The following PCSK5 variants were observed in gnomAD, a reference collection of about 807,000 sequenced individuals.
PCSK5 encodes prohormone convertase 5.
A neutral mutation model predicts 233.2 loss-of-function variants in PCSK5; 129 were observed. That is an observed-to-expected ratio of 0.55 (90% confidence interval 0.48 to 0.64). The LOEUF (loss-of-function observed/expected upper bound fraction) is 0.64. PCSK5 is among the 30% of genes least tolerant of loss of function. The probability of loss-of-function intolerance (pLI) is 0.00; values close to 1 mark genes in which losing one functional copy is unlikely to be tolerated. For missense variants in PCSK5, 2,076 were observed against 2,430.1 expected (o/e 0.85, Z 3.06); for synonymous variants, 825 against 879.2 (o/e 0.94, Z 1.09).
chr9:76,234,098 C>A (rs914961948), intron 22 of PCSK5, among the ~76,000 whole-genome samples: 2 of 152,166 alleles, frequency 1.3e-5, no homozygotes, highest in Admixed American at 6.5e-5. Context: ...GATTCTATTT[C>A]ATGCTCTCAA....
chr9:76,175,101 A>T lies in PCSK5; in HGVS notation c.1872A>T (p.Thr624=), dbSNP rs772639349. 6 of 1,614,206 alleles carry T rather than the reference A, an allele frequency of 3.7e-6. No individual in the cohort carries two copies. The highest frequency in any genetic ancestry group is 5.1e-6 in the Non-Finnish European group (6 of 1,180,016). Residue 624 remains threonine, a synonymous_variant, in exon 14 of 38, where the codon ACA becomes ACT. Transcript: ENST00000674117. ...RFRYSRVEDP[T]DDYGTEDYAG... is the part of the protein sequence containing the mutation. ...GCTATAGCCGAGTTGAAGACCCCAC[A>T]GACGACTATGGCACAGAGGATTATG...
rs550413904 is a variant in PCSK5, at chr9:76,040,395, C to G, written c.632+13358C>G. ...TCTCTCTCTCTCTCTGTCTCTCTCT[C>G]TCTCTCTCTCTCTCTCTCAACAGGT... On this transcript the variant is annotated intron_variant, in intron 5 of 37. Transcript: ENST00000674117. Among the ~76,000 whole-genome samples, 434 of 111,966 alleles carry G rather than the reference C, an allele frequency of 3.9e-3. 7 individuals carry two copies. The highest frequency in any genetic ancestry group is 0.013 in the East Asian group (40 of 3,176). The allele number at this position is 111,966 out of a possible 152,430, so 73.5% of individuals were successfully genotyped here. A position where few individuals can be genotyped will look rare whatever the true frequency, so the allele number is the denominator to read the frequency against.
At chr9:75,979,264 C>CT (rs1467906768) in intron 2 of PCSK5, among the ~76,000 whole-genome samples, 1 of 151,736 alleles carries the variant, frequency 6.6e-6, no homozygotes, top group Non-Finnish European at 1.5e-5. Context: ...TCAAAGCCGT[C>CT]TAAAAAAAAA....
At chr9:76,298,355 A>T (rs1828505617) in intron 27 of PCSK5, among the ~76,000 whole-genome samples, 1 of 151,928 alleles carries the variant, frequency 6.6e-6, no homozygotes, top group African/African-American at 2.4e-5. Flanking sequence ...GCATTTGGGG[A>T]TTTTTCACTA....
At position 76,323,077 on chromosome 9, in the gene PCSK5, C is replaced by G; in HGVS notation, c.4128C>G (p.His1376Gln). 1.2e-5 allele frequency: 20 copies of G among 1,605,970 alleles called. No homozygotes were observed. Among genetic ancestry groups the G allele is most frequent in the Non-Finnish European group, 1.7e-5 (20 of 1,175,944 alleles). ...AGTGCACGCCTGAGTTCTTCCTGCACGATGATATGTGCCACCAGTCCTGTC... is the reference window on the plus strand; with the variant it reads ...AGTGCACGCCTGAGTTCTTCCTGCAGGATGATATGTGCCACCAGTCCTGTC... ...CKECTPEFFL[H>Q]DDMCHQSCPR... Residue 1376 changes from histidine (H) to glutamine (Q), a missense_variant, in exon 32 of 38, where the codon CAC becomes CAG. Physicochemically the swap from His to Gln is conservative, Grantham distance 24. This residue lies in a region of PCSK5 where 1,510 missense variants were observed against 1,538.1 expected (regional missense o/e 0.98). Transcript: ENST00000674117.
chr9:76,014,887 C>A (rs893955859), intron 3 of PCSK5, among the ~76,000 whole-genome samples: 1 of 152,030 alleles, frequency 6.6e-6, no homozygotes, highest in African/African-American at 2.4e-5. Flanking sequence ...TTATTTATAC[C>A]TTCATTACCT....
At chr9:76,169,125 A>C (rs1379568817) in intron 12 of PCSK5, among the ~76,000 whole-genome samples, 2 of 152,246 alleles carry the variant, frequency 1.3e-5, no homozygotes, top group African/African-American at 2.4e-5. Context: ...CCACAGATAC[A>C]GAGGGCCGAC....
chr9:75,933,634 T>G (rs966975823), intron 2 of PCSK5, among the ~76,000 whole-genome samples: 2 of 152,238 alleles, frequency 1.3e-5, no homozygotes, highest in Admixed American at 6.5e-5. Flanking sequence ...TGTTCATGAT[T>G]ATGAAATTGT....
chr9:76,321,578 G>T lies in PCSK5; in HGVS notation c.4041G>T (p.Lys1347Asn), dbSNP rs1265594332. 1 of 1,612,700 alleles carries T rather than the reference G, an allele frequency of 6.2e-7. No individual in the cohort carries two copies. The highest frequency in any genetic ancestry group is 2.2e-5 in the East Asian group (1 of 44,878). The change falls in exon 31 of 38, where the codon AAG becomes AAT. Residue 1347 changes from lysine (K) to asparagine (N), a missense_variant. This residue lies in a region of PCSK5 where 1,510 missense variants were observed against 1,538.1 expected (regional missense o/e 0.98). Transcript: ENST00000674117. ...GCCCCGAGAGGCACGTGGCTGTGAAGGGGGTATGCAAGCATTGCCCAGAGA... is the reference window on the plus strand; with the variant it reads ...GCCCCGAGAGGCACGTGGCTGTGAATGGGGTATGCAAGCATTGCCCAGAGA... ...ENCPERHVAV[K>N]GVCKHCPEMC...
intron 12 of PCSK5, among the ~76,000 whole-genome samples, chr9:76,164,185 A>T (rs1822996162): frequency 6.6e-6 from 1 of 152,176 alleles, no homozygotes; most frequent in South Asian, 2.1e-4. Flanking sequence ...TGGTATATAA[A>T]TGCATCTGTG....
At chr9:76,101,098 C>G (rs1831737017) in intron 8 of PCSK5, among the ~76,000 whole-genome samples, 1 of 152,162 alleles carries the variant, frequency 6.6e-6, no homozygotes, top group South Asian at 2.1e-4. Flanking sequence ...ATAGCTACTT[C>G]ACCTGGTAGT....
chr9:75,935,318 C>T (rs1017304614), intron 2 of PCSK5, among the ~76,000 whole-genome samples: 4 of 152,170 alleles, frequency 2.6e-5, no homozygotes, highest in African/African-American at 9.7e-5. Flanking sequence ...CCACCCTCCT[C>T]GGCCTCCCAG....
chr9:75,902,214 T>TTAAAAAAAAAAAA (rs1554703242), intron 1 of PCSK5, among the ~76,000 whole-genome samples: 1 of 53,300 alleles, frequency 1.9e-5, no homozygotes, highest in Non-Finnish European at 3.5e-5. Context: ...AGACACCATC[T>TTAAAAAAAAAAAA]AAAAAAAAAA....
chr9:76,121,139 C>T (rs1305310396), intron 9 of PCSK5, among the ~76,000 whole-genome samples: 1 of 151,166 alleles, frequency 6.6e-6, no homozygotes, highest in Non-Finnish European at 1.5e-5. Flanking sequence ...CACTTTTTGT[C>T]AATGTTTGTG....
intron 1 of PCSK5, among the ~76,000 whole-genome samples, chr9:75,907,961 G>A (rs1464798669): frequency 2.6e-5 from 4 of 152,162 alleles, no homozygotes; most frequent in East Asian, 1.9e-4. Context: ...GGGCCTAGCC[G>A]GATTGGCCAT....
chr9:76,253,163 C>T (rs550968921), intron 24 of PCSK5, among the ~76,000 whole-genome samples: 1 of 152,136 alleles, frequency 6.6e-6, no homozygotes, highest in Non-Finnish European at 1.5e-5. Context: ...TGTAGCCAAC[C>T]TTAGTGCATG....
At chr9:76,291,633 C>T (rs996783937) in intron 24 of PCSK5, among the ~76,000 whole-genome samples, 1 of 152,176 alleles carries the variant, frequency 6.6e-6, no homozygotes, top group Non-Finnish European at 1.5e-5. Context: ...TTTAAGTCCC[C>T]TGAAAGCTGC....
intron 7 of PCSK5, among the ~76,000 whole-genome samples, chr9:76,082,724 G>A (rs1164533825): frequency 6.6e-6 from 1 of 151,534 alleles, no homozygotes; most frequent in Non-Finnish European, 1.5e-5. Flanking sequence ...TGCCCCAATT[G>A]GATTTTAATA....
At chr9:76,092,107 T>C (rs1831315185) in intron 7 of PCSK5, among the ~76,000 whole-genome samples, 1 of 152,002 alleles carries the variant, frequency 6.6e-6, no homozygotes, top group African/African-American at 2.4e-5. Flanking sequence ...CCCCTCAGGA[T>C]GGGATTTCAG....
Sources: gnomAD v4.1 joint callset for allele counts (sites outside exome capture counted in the v4.1 genomes callset) on GRCh38, gnomAD v4.1.1 for gene constraint, gnomAD v4.1.1 regional missense constraint, MANE v1.5 for transcripts, NCBI Gene and HGNC (gene_info 2026-07-23, HGNC 2026-07-21) for gene names.